The following CTBP2 variants were observed in gnomAD, a reference collection of about 807,000 sequenced individuals.
CTBP2 encodes the protein C-terminal-binding protein 2.
CTBP2 carries 30 observed loss-of-function variants against 80.3 expected under a neutral mutation model. The observed-to-expected ratio is 0.37, with a 90% CI of 0.28 to 0.51. The LOEUF (loss-of-function observed/expected upper bound fraction) is 0.51. Among genes scored for constraint, CTBP2 ranks in the 20% least tolerant of loss-of-function variants. The pLI, the probability that CTBP2 is intolerant of heterozygous loss-of-function variation, is 0.93. For missense variants in CTBP2, 1,212 were observed against 1,375.3 expected, an observed-to-expected ratio of 0.88 and a Z score of 1.88; for synonymous variants, 594 against 587.4, an observed-to-expected ratio of 1.01 and a Z score of -0.16.
chr10:125,077,954 G>A (rs1331848711), intron 2 of CTBP2, among the ~76,000 whole-genome samples: 2 of 152,148 alleles, frequency 1.3e-5, no homozygotes, highest in Non-Finnish European at 2.9e-5. Flanking sequence ...GGAGGTGGGG[G>A]CTGCTCTGAC....
At chr10:125,053,972 G>A (rs999990307) in intron 2 of CTBP2, among the ~76,000 whole-genome samples, 3 of 152,140 alleles carry the variant, frequency 2.0e-5, no homozygotes, top group Admixed American at 6.5e-5. Flanking sequence ...GACTTCTGGG[G>A]AATCCGAAGC....
intron 2 of CTBP2, among the ~76,000 whole-genome samples, chr10:125,086,668 A>C (rs1848031747): frequency 1.3e-5 from 2 of 151,364 alleles, no homozygotes; most frequent in South Asian, 4.2e-4. Context: ...CCACATAGCG[A>C]GAGAGTACCG....
chr10:125,031,679 C>T (rs575656282), upstream of CTBP2, among the ~76,000 whole-genome samples: 17 of 152,206 alleles, frequency 1.1e-4, no homozygotes, highest in East Asian at 9.7e-4. Context: ...GTCTAAATCA[C>T]GCAAGCACAC....
intron 2 of CTBP2, among the ~76,000 whole-genome samples, chr10:125,096,962 T>C (rs1564909445): frequency 6.6e-6 from 1 of 152,218 alleles, no homozygotes; most frequent in African/African-American, 2.4e-5. Flanking sequence ...GTATCTGTAA[T>C]GAAAAAATAG....
intron 2 of CTBP2, among the ~76,000 whole-genome samples, chr10:125,110,525 G>A (rs186458664): frequency 1.2e-3 from 185 of 152,272 alleles, no homozygotes; most frequent in Non-Finnish European, 2.0e-3. Context: ...AACACTAAAA[G>A]CCTAAGCTGA....
rs1952085096 is a variant in CTBP2, at chr10:124,987,515, CTG to C, written c.*2001_*2002del. 1 of 152,196 alleles carries C rather than the reference CTG, an allele frequency of 6.6e-6. No homozygotes were observed. The highest frequency in any genetic ancestry group is 1.5e-5 in the Non-Finnish European group (1 of 68,048). 9.4% of individuals were successfully genotyped at this position (152,196 alleles called of 1,614,324 possible). ...CACATATTCGTGAAGGTAAGATATT[CTG>C]TGTGCGCTTGGCCTCCTTTTCACGC... is the stretch of plus-strand genomic sequence containing the variant. On this transcript the variant is annotated 3_prime_UTR_variant, in exon 9 of 9. Coordinates refer to ENST00000309035, the MANE Select transcript of CTBP2 (RefSeq NM_022802.3).
At chr10:125,004,632 T>C (rs879486037) in intron 1 of CTBP2, among the ~76,000 whole-genome samples, 3 of 152,192 alleles carry the variant, frequency 2.0e-5, no homozygotes, top group Non-Finnish European at 2.9e-5. Flanking sequence ...TAGAACTCTT[T>C]AGCCTCAGAT....
intron 1 of CTBP2, among the ~76,000 whole-genome samples, chr10:125,154,179 G>A (rs1394106451): frequency 6.6e-6 from 1 of 152,174 alleles, no homozygotes; most frequent in Non-Finnish European, 1.5e-5. Flanking sequence ...TACAATGGAA[G>A]GTAAGTATTT....
intron 3 of CTBP2, among the ~76,000 whole-genome samples, chr10:125,033,365 G>C (rs1958468177): frequency 6.6e-6 from 1 of 152,212 alleles, no homozygotes; most frequent in Admixed American, 6.5e-5. Flanking sequence ...AGAGACAGAG[G>C]AACGCCCTCG....
intron 2 of CTBP2, among the ~76,000 whole-genome samples, chr10:125,058,152 T>C (rs565768771): frequency 2.0e-5 from 3 of 152,186 alleles, no homozygotes; most frequent in African/African-American, 7.2e-5. Flanking sequence ...GACTGTCACC[T>C]GAACTTGACC....
chr10:125,130,918 G>C (rs1856066353), intron 1 of CTBP2, among the ~76,000 whole-genome samples: 2 of 152,184 alleles, frequency 1.3e-5, no homozygotes, highest in African/African-American at 4.8e-5. Context: ...GAAAATCCCT[G>C]GGTATCGCCT....
chr10:125,039,542 C>A (rs1385840198), intron 2 of CTBP2, among the ~76,000 whole-genome samples: 1 of 152,254 alleles, frequency 6.6e-6, no homozygotes, highest in Non-Finnish European at 1.5e-5. Flanking sequence ...CGCACTCACA[C>A]TGAGATGCAG....
chr10:125,006,531 C>T (rs1590022932), intron 1 of CTBP2, among the ~76,000 whole-genome samples: 1 of 152,360 alleles, frequency 6.6e-6, no homozygotes, highest in East Asian at 1.9e-4. Flanking sequence ...CCTTGCCTAG[C>T]AGCCGCTGCC....
chr10:125,155,238 G>GC (rs967392151), intron 1 of CTBP2, among the ~76,000 whole-genome samples: 1 of 152,202 alleles, frequency 6.6e-6, no homozygotes, highest in Non-Finnish European at 1.5e-5. Context: ...GGATGAATGT[G>GC]CCCCTGGTTC....
chr10:125,005,434 C>G (rs1955107079), intron 1 of CTBP2: 1 of 1,084,940 alleles, frequency 9.2e-7, no homozygotes, highest in Non-Finnish European at 1.3e-6. Context: ...CCCAGGTCCC[C>G]AAACAGGGTG....
intron 1 of CTBP2, among the ~76,000 whole-genome samples, chr10:125,130,293 G>GC (rs1370595738): frequency 6.6e-6 from 1 of 151,968 alleles, no homozygotes; most frequent in Non-Finnish European, 1.5e-5. Context: ...GGTGATCCAC[G>GC]CACCTCTGCC....
chr10:125,034,912 A>G (rs1440111655), intron 3 of CTBP2, among the ~76,000 whole-genome samples: 1 of 152,198 alleles, frequency 6.6e-6, no homozygotes, highest in Non-Finnish European at 1.5e-5. Context: ...GGCTGCTGGA[A>G]GAAGGAAAGA....
At chr10:125,104,599 C>T (rs368673734) in intron 2 of CTBP2, among the ~76,000 whole-genome samples, 4 of 152,176 alleles carry the variant, frequency 2.6e-5, no homozygotes, top group Non-Finnish European at 2.9e-5. Context: ...GGAGGCTACT[C>T]GCATGTATTA....
chr10:125,120,710 CTCTG>C (rs1443618333), intron 1 of CTBP2, among the ~76,000 whole-genome samples: 1 of 152,194 alleles, frequency 6.6e-6, no homozygotes, highest in African/African-American at 2.4e-5. Flanking sequence ...AAGGGTCTCA[CTCTG>C]TCTCTCAGGC....
Sources: gnomAD v4.1 joint callset for allele counts (sites outside exome capture counted in the v4.1 genomes callset) on GRCh38, gnomAD v4.1.1 for gene constraint, MANE v1.5 for transcripts, NCBI Gene and HGNC (gene_info 2026-07-23, HGNC 2026-07-21) for gene names.